The following EFEMP1 variants were observed in gnomAD, a reference collection of about 807,000 sequenced individuals.
The protein encoded by EFEMP1 is EGF-like fibulin extracellular matrix protein 1.
A neutral mutation model predicts 65.7 loss-of-function variants in EFEMP1; 18 were observed. The ratio of observed to expected loss-of-function variants is 0.27; its 90% CI spans 0.19 to 0.41. The LOEUF (loss-of-function observed/expected upper bound fraction) is 0.41. Ranked by LOEUF, EFEMP1 falls within the 10% of genes least tolerant of loss-of-function variation. The pLI, the probability that EFEMP1 is intolerant of heterozygous loss-of-function variation, is 1.00. For missense variants in EFEMP1, 469 were observed against 624.8 expected, an observed-to-expected ratio of 0.75 and a Z score of 2.66; for synonymous variants, 237 against 219.7, an observed-to-expected ratio of 1.08 and a Z score of -0.70.
At chr2:55,875,100 G>C (rs1325295877) in intron 8 of EFEMP1, 35 bp from the exon 9 acceptor site, 1 of 1,541,316 alleles carries the variant, frequency 6.5e-7, no homozygotes, top group African/African-American at 1.4e-5. Flanking sequence ...ACACAGAGTT[G>C]AAAAGTTTGT....
At chr2:55,910,501 C>A (rs191548064) in intron 5 of EFEMP1, among the ~76,000 whole-genome samples, 37 of 152,288 alleles carry the variant, frequency 2.4e-4, no homozygotes, top group Non-Finnish European at 1.3e-4. Flanking sequence ...TCAACACGTG[C>A]AAAGGCAATC....
At chr2:55,903,208 C>T (rs1157733851) in intron 5 of EFEMP1, among the ~76,000 whole-genome samples, 1 of 152,160 alleles carries the variant, frequency 6.6e-6, no homozygotes, top group African/African-American at 2.4e-5. Flanking sequence ...CATTCCACTA[C>T]AGGAGAAAAT....
Position 55,870,600 on chromosome 2 carries a change from A to C in EFEMP1, c.1320+120T>G, listed in dbSNP as rs1468349020. 8.0e-7 allele frequency: 1 copy of C among 1,245,166 alleles called. No homozygotes were observed. The highest frequency in any genetic ancestry group is 1.2e-6 in the Non-Finnish European group (1 of 864,120). 77.1% of individuals were successfully genotyped at this position (1,245,166 alleles called of 1,614,324 possible). ...AAGGCCTTACACAATGCCTACACAT[A>C]AGACACTTTAAATGTTTGCTTTCCT... is the stretch of plus-strand genomic sequence containing the variant. On this transcript the variant is annotated intron_variant, in intron 11 of 11. Transcript: ENST00000355426. The surrounding 1 kb of genome is among the most constrained non-coding windows in gnomAD (Gnocchi z 5.8).
Position 55,883,835 on chromosome 2 carries a change from GTCTGTTTACCT to G in EFEMP1, c.518-2112_518-2102del. 6.6e-6 allele frequency among the ~76,000 whole-genome samples: 1 copy of G among 152,096 alleles called. No homozygotes were observed. The highest frequency in any genetic ancestry group is 1.5e-5 in the Non-Finnish European group (1 of 68,012). On this transcript the variant is annotated intron_variant, in intron 5 of 11. Transcript: ENST00000355426. This position sits in a 1 kb window ranked among gnomAD's most constrained non-coding sequence, Gnocchi z 4.5. ...TGTGCTACTCCTTCTTAAGAATGAG[GTCTGTTTACCT>G]TCTGAGTGGGTTATTTAATAAAAAT... is the stretch of plus-strand genomic sequence containing the variant.
intron 4 of EFEMP1, 70 bp from the exon 5 acceptor site, chr2:55,918,121 C>T (rs1056567769): frequency 1.5e-5 from 25 of 1,613,100 alleles, no homozygotes; most frequent in South Asian, 1.4e-4. Flanking sequence ...ATATAATGCT[C>T]ATGCCTTTTT....
chr2:55,900,763 A>G (rs1670002942), intron 5 of EFEMP1, among the ~76,000 whole-genome samples: 1 of 152,126 alleles, frequency 6.6e-6, no homozygotes, highest in Non-Finnish European at 1.5e-5. Context: ...ACCATCTCAT[A>G]TTATAGGTCC....
At chr2:55,894,437 C>A (rs912219114) in intron 5 of EFEMP1, among the ~76,000 whole-genome samples, 2 of 151,892 alleles carry the variant, frequency 1.3e-5, no homozygotes, top group Non-Finnish European at 2.9e-5. Context: ...GTCATTTGTT[C>A]TTAATAACAA....
At chr2:55,905,523 C>T (rs1473781603) in intron 5 of EFEMP1, among the ~76,000 whole-genome samples, 2 of 152,160 alleles carry the variant, frequency 1.3e-5, no homozygotes, top group African/African-American at 2.4e-5. Flanking sequence ...TCTCGGCTCA[C>T]TGCAACCTCC....
chr2:55,912,710 A>C (rs1670522600), intron 5 of EFEMP1, among the ~76,000 whole-genome samples: 1 of 152,192 alleles, frequency 6.6e-6, no homozygotes, highest in Non-Finnish European at 1.5e-5. Context: ...TAGTGTTCTA[A>C]TCACTCCTGT....
chr2:55,870,863 T>C lies in EFEMP1; in HGVS notation c.1177A>G (p.Ile393Val). ...CGGATGCTCATGTATTTGTAGACTA[T>C]TGACTGGGGCAGTTCTCGGCACATG... ...NAMCRELPQS[I>V]VYKYMSIRSD... The change falls in exon 11 of 12, where the codon ATA becomes GTA. Residue 393 changes from isoleucine (I) to valine (V), a missense_variant. By Grantham distance (29) the Ile-to-Val change is conservative. Coordinates refer to ENST00000355426, the MANE Select transcript of EFEMP1 (RefSeq NM_001039348.3). This position sits in a 1 kb window ranked among gnomAD's most constrained non-coding sequence, Gnocchi z 5.8. 1 of 1,613,798 alleles carries C rather than the reference T, an allele frequency of 6.2e-7. No individual in the cohort carries two copies. The highest frequency in any genetic ancestry group is 1.3e-5 in the African/African-American group (1 of 75,016).
At position 55,923,701 on chromosome 2, in the gene EFEMP1, G is replaced by A. The variant is rs1671000670; in HGVS notation, c.-49+10C>T. 4 of 985,622 alleles carry A rather than the reference G, an allele frequency of 4.1e-6. No homozygotes were observed. The highest frequency in any genetic ancestry group is 4.7e-5 in the South Asian group (1 of 21,292). 61.1% of individuals were successfully genotyped at this position (985,622 alleles called of 1,614,324 possible). A position where few individuals can be genotyped will look rare whatever the true frequency, so the allele number is the denominator to read the frequency against. The stretch of plus-strand genomic sequence containing the variant: ...CTCGCTCGGGGCGACCCCCCGTTGG[G>A]GGCTCCTACCTGTGCGGCCGCGCTG... On this transcript the variant is annotated intron_variant, in intron 1 of 11. Transcript: ENST00000355426. This position sits in a 1 kb window ranked among gnomAD's most constrained non-coding sequence, Gnocchi z 5.3.
chr2:55,882,297 A>G (rs902633738), intron 5 of EFEMP1, among the ~76,000 whole-genome samples: 1 of 151,636 alleles, frequency 6.6e-6, no homozygotes, highest in Non-Finnish European at 1.5e-5. Context: ...TTGTTTTTGC[A>G]AACAGCAGGG....
chr2:55,907,297 G>A (rs575008319), intron 5 of EFEMP1, among the ~76,000 whole-genome samples: 1 of 152,342 alleles, frequency 6.6e-6, no homozygotes, highest in South Asian at 2.1e-4. Flanking sequence ...GTATCTGTAT[G>A]TGTGCACATG....
At chr2:55,912,455 A>C (rs114009289) in intron 5 of EFEMP1, among the ~76,000 whole-genome samples, 2 of 152,194 alleles carry the variant, frequency 1.3e-5, no homozygotes. Context: ...AAAGAAGTCA[A>C]AGAAAGATAT....
Position 55,871,773 on chromosome 2 carries a change from T to G in EFEMP1, c.1001-650A>C, listed in dbSNP as rs886749232. Among the ~76,000 whole-genome samples the G allele has an allele frequency of 1.3e-5, 2 of 151,334 alleles. No individual in the cohort carries two copies. Among genetic ancestry groups the G allele is most frequent in the Non-Finnish European group, 1.5e-5 (1 of 67,814 alleles). On this transcript the variant is annotated intron_variant, in intron 9 of 11. Transcript: ENST00000355426. This position sits in a 1 kb window ranked among gnomAD's most constrained non-coding sequence, Gnocchi z 4.2. ...TCAGTAAGCTGAAGCATGCTGGGAG[T>G]GGATTATACTGTCCAGAGGAAGCAC...
intron 5 of EFEMP1, among the ~76,000 whole-genome samples, chr2:55,882,731 T>A (rs537824620): frequency 3.1e-4 from 47 of 152,276 alleles, no homozygotes; most frequent in South Asian, 6.2e-4. Context: ...AACAATATCA[T>A]AAAACTTGTG....
chr2:55,879,964 G>A (rs912014856), intron 6 of EFEMP1, among the ~76,000 whole-genome samples: 2 of 152,146 alleles, frequency 1.3e-5, no homozygotes, highest in Non-Finnish European at 2.9e-5. Context: ...ATCATAGCAG[G>A]CTTCCCAGAG....
rs374039999 is a variant in EFEMP1, at chr2:55,886,348, C to G, written c.518-4614G>C. ...AACCCCTGGAGTAAAATAACCGTATCTTTACTAGTTCTGTGTGGGGCACTG... is the reference window on the plus strand; with the variant it reads ...AACCCCTGGAGTAAAATAACCGTATGTTTACTAGTTCTGTGTGGGGCACTG... On this transcript the variant is annotated intron_variant, in intron 5 of 11. Transcript: ENST00000355426. The surrounding 1 kb of genome is among the most constrained non-coding windows in gnomAD (Gnocchi z 4.0). Among the ~76,000 whole-genome samples, 7 of 152,148 alleles carry G rather than the reference C, an allele frequency of 4.6e-5. 1 individual carries two copies. Among genetic ancestry groups the G allele is most frequent in the African/African-American group, 1.7e-4 (7 of 41,526 alleles).
Position 55,870,641 on chromosome 2 carries a change from C to T in EFEMP1, c.1320+79G>A. On this transcript the variant is annotated intron_variant, in intron 11 of 11. Transcript: ENST00000355426. This position sits in a 1 kb window ranked among gnomAD's most constrained non-coding sequence, Gnocchi z 5.8. ...TTGCTTTCCTTCCACATGTGGATAC[C>T]ACACAACAACAACAACAACAACAAC... 1 of 1,540,218 alleles carries T rather than the reference C, an allele frequency of 6.5e-7. No homozygotes were observed. Among genetic ancestry groups the T allele is most frequent in the Non-Finnish European group, 8.9e-7 (1 of 1,119,584 alleles).
Sources: allele counts gnomAD v4.1 joint callset (sites outside exome capture counted in the v4.1 genomes callset), GRCh38; gene constraint gnomAD v4.1.1; non-coding constraint Gnocchi (gnomAD v3.1); transcripts MANE v1.5; gene names NCBI Gene and HGNC (gene_info 2026-07-23, HGNC 2026-07-21).